Variants in STRADA observed in about 807,000 individuals in gnomAD.
STRADA encodes STE20 related adaptor alpha, also known as STE20-related kinase adapter protein alpha.
In STRADA, 26 loss-of-function variants were observed where a neutral mutation model predicts 55.0. That is an observed-to-expected ratio of 0.47 (90% confidence interval 0.35 to 0.66). The LOEUF (loss-of-function observed/expected upper bound fraction) is 0.66. Ranked by LOEUF, STRADA falls within the 30% of genes least tolerant of loss-of-function variation. The pLI, the probability that STRADA is intolerant of heterozygous loss-of-function variation, is 0.01. For missense variants in STRADA, 443 were observed against 549.7 expected, an observed-to-expected ratio of 0.81 and a Z score of 1.94; for synonymous variants, 197 against 210.9, an observed-to-expected ratio of 0.93 and a Z score of 0.57.
At chr17:63,740,139 T>TATATATACACATAC (rs2038811126) in intron 1 of STRADA, among the ~76,000 whole-genome samples, 1 of 40,860 alleles carries the variant, frequency 2.4e-5, no homozygotes, top group East Asian at 5.9e-4. Flanking sequence ...CACATACATA[T>TATATATACACATAC]ATATATATAC....
chr17:63,734,435 G>A (rs2144272277), intron 1 of STRADA, among the ~76,000 whole-genome samples: 1 of 152,192 alleles, frequency 6.6e-6, no homozygotes, highest in East Asian at 1.9e-4. Context: ...TAGAGGTCAG[G>A]GGTTAGAGGC....
chr17:63,704,958 G>C, intron 10 of STRADA: 1 of 1,502,246 alleles, frequency 6.7e-7, no homozygotes, highest in South Asian at 1.2e-5. Context: ...CCAGCCGTCT[G>C]CCATGCTCAG....
intron 6 of STRADA, among the ~76,000 whole-genome samples, chr17:63,712,264 C>G (rs1391701859): frequency 2.0e-5 from 3 of 152,150 alleles, no homozygotes; most frequent in Non-Finnish European, 2.9e-5. Context: ...CAGTCTGTCA[C>G]CCAGGCTGGA....
chr17:63,704,763 G>T (rs907528788), intron 10 of STRADA, 181 bp from the exon 11 acceptor site: 2 of 1,531,528 alleles, frequency 1.3e-6, no homozygotes, highest in Admixed American at 2.0e-5. Flanking sequence ...GGTCACTGGC[G>T]TGGCAGCTCC....
chr17:63,737,279 T>TAAAAAAAA (rs2038516780), intron 1 of STRADA: 1 of 63,436 alleles, frequency 1.6e-5, no homozygotes, highest in African/African-American at 5.7e-5. Context: ...AAAAAAAAAT[T>TAAAAAAAA]GAGATAGTTC....
chr17:63,728,280 A>G, intron 2 of STRADA, 54 bp downstream of exon 2: 1 of 1,585,732 alleles, frequency 6.3e-7, no homozygotes, highest in Non-Finnish European at 8.6e-7. Context: ...GCCAAAATAC[A>G]CTGCTTTTCA....
chr17:63,712,330 C>T (rs2036555699), intron 6 of STRADA: 1 of 152,220 alleles, frequency 6.6e-6, no homozygotes, highest in Admixed American at 6.5e-5. Context: ...GCCTTGCCCT[C>T]CCAAAGTGTT....
intron 4 of STRADA, among the ~76,000 whole-genome samples, chr17:63,721,414 C>CAAA (rs34413372): frequency 7.5e-6 from 1 of 133,616 alleles, no homozygotes; most frequent in Non-Finnish European, 1.6e-5. Flanking sequence ...AGCTCCATCT[C>CAAA]AAAAAAAAAA....
At chr17:63,707,124 C>T in intron 9 of STRADA, 123 bp downstream of exon 9, 1 of 1,281,040 alleles carries the variant, frequency 7.8e-7, no homozygotes, top group South Asian at 1.4e-5. Flanking sequence ...TGAGGGCTCC[C>T]TCCCTCCAGG....
intron 4 of STRADA, among the ~76,000 whole-genome samples, chr17:63,722,277 G>C (rs199940837): frequency 6.6e-6 from 1 of 152,158 alleles, no homozygotes; most frequent in African/African-American, 2.4e-5. Context: ...TGTGTTTAAA[G>C]AGTTTAAAAC....
chr17:63,707,412 G>T lies in STRADA; in HGVS notation c.588C>A (p.Val196=). Residue 196 remains valine, a synonymous_variant, in exon 9 of 13, where the codon GTC becomes GTA. Transcript: ENST00000336174. ...CAGAGATCAGGATGTGGCTGGCTTTGACACTCCTGGGGAAGCGGGGAGGGT... is the reference window on the plus strand; with the variant it reads ...CAGAGATCAGGATGTGGCTGGCTTTTACACTCCTGGGGAAGCGGGGAGGGT... The part of the protein sequence containing the change: ...IHHMGYVHRS[V]KASHILISVD... The T allele has an allele frequency of 6.2e-7, 1 of 1,613,666 alleles. No individual in the cohort carries two copies. Among genetic ancestry groups the T allele is most frequent in the South Asian group, 1.1e-5 (1 of 91,070 alleles).
At chr17:63,712,545 T>C (rs1161926382) in intron 6 of STRADA, 1 of 152,090 alleles carries the variant, frequency 6.6e-6, no homozygotes, top group African/African-American at 2.4e-5. Context: ...AAACTCTGTC[T>C]CTACAAAAAA....
At chr17:63,711,367 T>C (rs958030833) in intron 6 of STRADA, among the ~76,000 whole-genome samples, 16 of 152,078 alleles carry the variant, frequency 1.1e-4, no homozygotes, top group African/African-American at 3.9e-4. Flanking sequence ...TTTTATTTTT[T>C]TGAGACAGGG....
chr17:63,710,290 G>A, intron 8 of STRADA: 1 of 744,174 alleles, frequency 1.3e-6, no homozygotes, highest in Non-Finnish European at 2.0e-6. Flanking sequence ...ACCTGCCTTG[G>A]CCTCCCAAGC....
intron 4 of STRADA, among the ~76,000 whole-genome samples, chr17:63,720,294 C>T (rs1159368509): frequency 2.0e-5 from 3 of 151,974 alleles, no homozygotes; most frequent in African/African-American, 7.2e-5. Flanking sequence ...TCTGCCTCAT[C>T]TTCCTGGGTA....
At chr17:63,704,707 G>T in intron 10 of STRADA, 125 bp from the exon 11 acceptor site, 1 of 1,506,390 alleles carries the variant, frequency 6.6e-7, no homozygotes, top group Admixed American at 2.1e-5. Flanking sequence ...TTTGAAGAGT[G>T]GAAAAGGTGG....
chr17:63,720,835 G>A (rs980570395), intron 4 of STRADA, among the ~76,000 whole-genome samples: 20 of 151,262 alleles, frequency 1.3e-4, no homozygotes, highest in Admixed American at 2.6e-4. Flanking sequence ...GGTGGCTCAC[G>A]CCTGTAATCC....
intron 1 of STRADA, among the ~76,000 whole-genome samples, chr17:63,731,260 T>C (rs1418617366): frequency 2.3e-5 from 2 of 85,868 alleles, no homozygotes; most frequent in Admixed American, 1.1e-4. Flanking sequence ...TCTTTCCTTT[T>C]TTTTTTTTTT....
chr17:63,703,964 C>G, intron 12 of STRADA, 41 bp downstream of exon 12: 2 of 1,601,388 alleles, frequency 1.2e-6, no homozygotes, highest in Non-Finnish European at 1.7e-6. Context: ...GTTGTTAGAA[C>G]CAGAACTAGA....
Sources: allele counts gnomAD v4.1 joint callset (sites outside exome capture counted in the v4.1 genomes callset), GRCh38; gene constraint gnomAD v4.1.1; transcripts MANE v1.5; gene names NCBI Gene and HGNC (gene_info 2026-07-23, HGNC 2026-07-21).